Variants in DHODH observed in about 807,000 individuals in gnomAD.
The protein encoded by DHODH is dihydroorotate dehydrogenase (quinone), also known as dihydroorotate dehydrogenase (quinone), mitochondrial.
DHODH carries 30 observed loss-of-function variants against 39.7 expected under a neutral mutation model. That is an observed-to-expected ratio of 0.76 (90% confidence interval 0.57 to 1.02). The LOEUF is 1.02. Ranked by LOEUF, DHODH falls within the 50% of genes least tolerant of loss-of-function variation. DHODH has a pLI of 0.00. For synonymous variants in DHODH, 222 were observed against 213.8 expected (o/e 1.04, Z -0.34); for missense variants, 531 against 520.8 (o/e 1.02, Z -0.19).
At position 72,023,546 on chromosome 16, in the gene DHODH, C is replaced by A; in HGVS notation, c.1046C>A (p.Ala349Asp). The change falls in exon 8 of 9, where the codon GCC becomes GAC. Residue 349 changes from alanine to aspartate, a missense_variant. By Grantham distance (126) the Ala-to-Asp change is moderately radical (BLOSUM62 -2). Transcript: ENST00000219240. ...QDALEKIRAG[A>D]SLVQLYTALT... is the part of the protein sequence containing the mutation. The stretch of plus-strand genomic sequence containing the variant: ...GCGCTGGAGAAGATCCGGGCAGGGG[C>A]CTCCCTGGTGCAGCTGTACACGGCC... The A allele has an allele frequency of 6.2e-7, 1 of 1,614,086 alleles. No individual in the cohort carries two copies. The highest frequency in any genetic ancestry group is 8.5e-7 in the Non-Finnish European group (1 of 1,180,030).
rs199626701 is a variant in DHODH at position 72,023,214 on chromosome 16, C to T, written c.869C>T (p.Ala290Val). 40 of 1,614,174 alleles carry T rather than the reference C, an allele frequency of 2.5e-5. No homozygotes were observed. The highest frequency in any genetic ancestry group is 1.3e-4 in the African/African-American group (10 of 75,062). ...IVTNTTVSRP[A>V]GLQGALRSET... ...ACGAACACCACCGTGAGTCGCCCTG[C>T]GGGCCTCCAGGGTGCCCTGCGCTCT... The change falls in exon 7 of 9, where the codon GCG becomes GTG. Residue 290 changes from alanine (A) to valine (V), a missense_variant. By Grantham distance (64) the Ala-to-Val change is moderately conservative. Coordinates refer to ENST00000219240, the MANE Select transcript of DHODH (RefSeq NM_001361.5).
chr16:72,023,956 A>C (rs773396277), intron 8 of DHODH, among the ~76,000 whole-genome samples, 189 bp from the exon 9 acceptor site: 1 of 152,152 alleles, frequency 6.6e-6, no homozygotes, highest in Non-Finnish European at 1.5e-5. Flanking sequence ...TCAATACTTA[A>C]AAGCAATTTC....
At chr16:72,009,495 G>C in intron 1 of DHODH, among the ~76,000 whole-genome samples, 1 of 96,826 alleles carries the variant, frequency 1.0e-5, no homozygotes, top group Admixed American at 1.3e-4. Flanking sequence ...GGGCGACAGA[G>C]CGAGACTCCG....
chr16:72,012,598 C>G (rs897011172), intron 2 of DHODH, among the ~76,000 whole-genome samples: 1 of 152,180 alleles, frequency 6.6e-6, no homozygotes, highest in Non-Finnish European at 1.5e-5. Context: ...GTAGCAGGAC[C>G]AGGATTCAAA....
Position 72,025,806 on chromosome 16 carries a change from C to G in DHODH, c.*1607C>G, listed in dbSNP as rs1027958056. The G allele has an allele frequency of 6.6e-6, 1 of 152,292 alleles. No individual in the cohort carries two copies. The highest frequency in any genetic ancestry group is 1.5e-5 in the Non-Finnish European group (1 of 68,100). The allele number at this position is 152,292 out of a possible 1,614,324, so 9.4% of individuals were successfully genotyped here. A position where few individuals can be genotyped will look rare whatever the true frequency, so the allele number is the denominator to read the frequency against. ...GAAGACAGAGCTGCCCTGAAGGCAGCTCATGTCCACTGAACACTGACTGTG... is the reference window on the plus strand; with the variant it reads ...GAAGACAGAGCTGCCCTGAAGGCAGGTCATGTCCACTGAACACTGACTGTG... On this transcript the variant is annotated 3_prime_UTR_variant, in exon 9 of 9. Coordinates refer to ENST00000219240, the MANE Select transcript of DHODH (RefSeq NM_001361.5).
intron 2 of DHODH, among the ~76,000 whole-genome samples, chr16:72,012,769 G>A (rs909563960): frequency 3.3e-5 from 5 of 152,202 alleles, no homozygotes; most frequent in Admixed American, 6.5e-5. Context: ...ACTCAGCCAC[G>A]TGTTCAGCAC....
At chr16:72,011,929 G>A (rs748644795) in intron 1 of DHODH, 121 bp from the exon 2 acceptor site, 62 of 739,392 alleles carry the variant, frequency 8.4e-5, no homozygotes, top group Non-Finnish European at 1.3e-4. Flanking sequence ...TCAGCGGAAG[G>A]CTAAGGGCGT....
rs370399618 is a variant in DHODH at position 72,014,437 on chromosome 16, C to T, written c.235-36C>T. On this transcript the variant is annotated intron_variant, in intron 2 of 8. Transcript: ENST00000219240. ...ATGCTTTGAGAAATACCGGGATAGCCTTAGCGTGCCTCTGACTTTGTCTTC... is the reference window on the plus strand; with the variant it reads ...ATGCTTTGAGAAATACCGGGATAGCTTTAGCGTGCCTCTGACTTTGTCTTC... 5.7e-6 allele frequency: 9 copies of T among 1,591,676 alleles called. No individual in the cohort carries two copies. In the Admixed American group the frequency reaches 1.2e-4, roughly 21 times the overall value.
At chr16:72,009,127 A>C in intron 1 of DHODH, 1 of 1,236,920 alleles carries the variant, frequency 8.1e-7, no homozygotes, top group South Asian at 2.0e-5. Flanking sequence ...CTAGAGTAGG[A>C]CATGCTCCCA....
intron 1 of DHODH, chr16:72,009,120 G>A: frequency 7.9e-7 from 1 of 1,270,826 alleles, no homozygotes; most frequent in African/African-American, 1.5e-5. Context: ...AATGAAACTA[G>A]AGTAGGACAT....
intron 8 of DHODH, 142 bp downstream of exon 8, chr16:72,023,775 TG>T (rs2041250310): frequency 8.2e-7 from 1 of 1,221,980 alleles, no homozygotes; most frequent in Admixed American, 2.0e-5. Flanking sequence ...AGAGAAATTC[TG>T]GGTTACTCTT....
intron 3 of DHODH, chr16:72,016,489 A>C (rs1384145229): frequency 2.2e-5 from 4 of 184,058 alleles, no homozygotes; most frequent in African/African-American, 9.4e-5. Context: ...AGGGACCTTA[A>C]GCATATATGT....
chr16:72,019,251 CG>C (rs2041177074), intron 4 of DHODH, among the ~76,000 whole-genome samples: 1 of 152,160 alleles, frequency 6.6e-6, no homozygotes, highest in East Asian at 1.9e-4. Flanking sequence ...CTGCTGCGCC[CG>C]GCTTCTAATT....
chr16:72,009,572 G>T (rs2041060796), intron 1 of DHODH, among the ~76,000 whole-genome samples: 1 of 151,816 alleles, frequency 6.6e-6, no homozygotes, highest in African/African-American at 2.4e-5. Flanking sequence ...CATGGTGGGG[G>T]GGAGTACAGT....
chr16:72,008,974 G>A, intron 1 of DHODH, 189 bp downstream of exon 1: 1 of 1,484,522 alleles, frequency 6.7e-7, no homozygotes, highest in African/African-American at 1.4e-5. Flanking sequence ...ACTCGGTCAG[G>A]CGTGTGCAGA....
chr16:72,012,311 A>G (rs1213776978), intron 2 of DHODH, 49 bp downstream of exon 2: 2 of 1,563,192 alleles, frequency 1.3e-6, no homozygotes, highest in African/African-American at 1.4e-5. Flanking sequence ...CGAAGGCTGC[A>G]GTCCCCTAAA....
In DHODH at chr16:72,022,339, G is replaced by C. The variant is rs972267049; in HGVS notation, c.706-23G>C. On this transcript the variant is annotated intron_variant, in intron 5 of 8. Transcript: ENST00000219240. ...AGGGCTGTGGTCTGCGGGGTCCCCA[G>C]CTCTGGCCGTGTGTCGCCCTAGGTG... 10 of 1,543,776 alleles carry C rather than the reference G, an allele frequency of 6.5e-6. No homozygotes were observed. In the African/African-American group the frequency reaches 1.2e-4, roughly 19 times the overall value.
At chr16:72,022,878 C>T (rs575297260) in intron 6 of DHODH, among the ~76,000 whole-genome samples, 12 of 152,320 alleles carry the variant, frequency 7.9e-5, no homozygotes, top group Admixed American at 3.3e-4. Context: ...CCACCACTTA[C>T]TACCTGGGGG....
chr16:72,013,340 G>A (rs889387366), intron 2 of DHODH, among the ~76,000 whole-genome samples: 8 of 152,150 alleles, frequency 5.3e-5, no homozygotes, highest in Non-Finnish European at 8.8e-5. Flanking sequence ...TAATGAGTGG[G>A]GTGCAGAGAT....
Sources: allele counts gnomAD v4.1 joint callset (sites outside exome capture counted in the v4.1 genomes callset), GRCh38; gene constraint gnomAD v4.1.1; transcripts MANE v1.5; gene names NCBI Gene and HGNC (gene_info 2026-07-23, HGNC 2026-07-21).